WDFY1: variants seen among roughly 807,000 people sequenced by gnomAD.
WDFY1 encodes WD repeat and FYVE domain containing 1, also known as WD repeat and FYVE domain-containing protein 1.
WDFY1 carries 32 observed loss-of-function variants against 56.4 expected under a neutral mutation model. That is an observed-to-expected ratio of 0.57 (90% CI 0.43 to 0.76). WDFY1 has a LOEUF of 0.76. Among genes scored for constraint, WDFY1 ranks in the 30% least tolerant of loss-of-function variants. WDFY1 has a pLI of 0.00. For synonymous variants in WDFY1, 192 were observed against 197.3 expected (o/e 0.97, Z 0.23); for missense variants, 480 against 545.7 (o/e 0.88, Z 1.20).
chr2:223,922,742 A>G (rs1408109815), intron 1 of WDFY1, among the ~76,000 whole-genome samples: 1 of 152,210 alleles, frequency 6.6e-6, no homozygotes, highest in Non-Finnish European at 1.5e-5. Flanking sequence ...CACAATTCAG[A>G]AATCAGAGAA....
chr2:223,934,236 A>G lies in WDFY1; in HGVS notation c.137+10912T>C, dbSNP rs962809949. ...ACCGAGTAGCTGGGACTACAGGCGCACAACACCTCACCCAGCTAATTTTTG... is the reference window on the plus strand; with the variant it reads ...ACCGAGTAGCTGGGACTACAGGCGCGCAACACCTCACCCAGCTAATTTTTG... On this transcript the variant is annotated intron_variant, in intron 1 of 11. Coordinates refer to ENST00000233055, the MANE Select transcript of WDFY1 (RefSeq NM_020830.5). 3.3e-5 allele frequency among the ~76,000 whole-genome samples: 5 copies of G among 151,860 alleles called. No individual in the cohort carries two copies. In the East Asian group the frequency reaches 9.9e-4, roughly 30 times the overall value.
intron 5 of WDFY1, among the ~76,000 whole-genome samples, chr2:223,899,885 G>A (rs1693473929): frequency 6.6e-6 from 1 of 152,194 alleles, no homozygotes; most frequent in South Asian, 2.1e-4. Context: ...TACAAGACAT[G>A]AATCCATGTT....
intron 1 of WDFY1, among the ~76,000 whole-genome samples, chr2:223,933,474 G>C (rs987818074): frequency 6.6e-6 from 1 of 151,964 alleles, no homozygotes; most frequent in South Asian, 2.1e-4. Flanking sequence ...TGAAGAGCAG[G>C]AATAATCTAG....
chr2:223,910,087 GA>G (rs1437176361), intron 3 of WDFY1, among the ~76,000 whole-genome samples: 2 of 152,004 alleles, frequency 1.3e-5, no homozygotes, highest in African/African-American at 4.8e-5. Flanking sequence ...TTGACTTCTG[GA>G]AACTCTTCCC....
chr2:223,932,611 A>C (rs1694098088), intron 1 of WDFY1, among the ~76,000 whole-genome samples: 1 of 152,276 alleles, frequency 6.6e-6, no homozygotes, highest in South Asian at 2.1e-4. Flanking sequence ...CAATTTAACC[A>C]TCCTTAAATT....
chr2:223,905,067 T>C (rs1417670628), intron 4 of WDFY1, among the ~76,000 whole-genome samples: 1 of 152,140 alleles, frequency 6.6e-6, no homozygotes, highest in Non-Finnish European at 1.5e-5. Context: ...AGACAACAAA[T>C]GGTCAACATT....
intron 4 of WDFY1, among the ~76,000 whole-genome samples, chr2:223,902,892 CCAAA>C (rs1693528041): frequency 6.6e-6 from 1 of 151,922 alleles, no homozygotes; most frequent in Non-Finnish European, 1.5e-5. Context: ...TAAACTCGGG[CCAAA>C]CAGTCATAGG....
At chr2:223,884,067 T>A (rs2106071378) in intron 9 of WDFY1, among the ~76,000 whole-genome samples, 1 of 151,770 alleles carries the variant, frequency 6.6e-6, no homozygotes, top group East Asian at 1.9e-4. Flanking sequence ...TTTGTAGAAC[T>A]TTAGTATTAC....
intron 4 of WDFY1, among the ~76,000 whole-genome samples, chr2:223,902,345 T>G (rs952758792): frequency 6.6e-6 from 1 of 152,178 alleles, no homozygotes; most frequent in Non-Finnish European, 1.5e-5. Context: ...GGAGGATTGT[T>G]TGAGGCCAGG....
chr2:223,932,365 GC>G (rs1465609154), intron 1 of WDFY1, among the ~76,000 whole-genome samples: 2 of 148,674 alleles, frequency 1.3e-5, no homozygotes, highest in African/African-American at 5.0e-5. Context: ...ATTGTGATTC[GC>G]CCACCTCGGC....
intron 4 of WDFY1, among the ~76,000 whole-genome samples, chr2:223,901,718 G>A (rs576035227): frequency 6.6e-6 from 1 of 151,514 alleles, no homozygotes; most frequent in Non-Finnish European, 1.5e-5. Flanking sequence ...AGCAGCAGTT[G>A]TAACAGTGCA....
chr2:223,891,506 A>G (rs1313476471), intron 8 of WDFY1, among the ~76,000 whole-genome samples: 1 of 152,102 alleles, frequency 6.6e-6, no homozygotes, highest in Non-Finnish European at 1.5e-5. Flanking sequence ...CCCACTAAAA[A>G]TAATGCATCT....
At chr2:223,931,816 G>A (rs1237889738) in intron 1 of WDFY1, among the ~76,000 whole-genome samples, 2 of 151,784 alleles carry the variant, frequency 1.3e-5, no homozygotes, top group Non-Finnish European at 2.9e-5. Context: ...TTCCCAAGTA[G>A]CTGGGACTAC....
At chr2:223,878,990 C>A (rs1011688849) in intron 11 of WDFY1, among the ~76,000 whole-genome samples, 4 of 152,188 alleles carry the variant, frequency 2.6e-5, no homozygotes, top group African/African-American at 9.7e-5. Context: ...TCAAGACCAG[C>A]CTGGCCAACG....
intron 6 of WDFY1, 120 bp from the exon 7 acceptor site, chr2:223,895,750 C>A: frequency 2.2e-6 from 3 of 1,375,712 alleles, no homozygotes; most frequent in Middle Eastern, 1.9e-4. Context: ...AGTCTTTAAG[C>A]AAAAAGGTAT....
rs116587504 is a variant in WDFY1, at chr2:223,909,909, G to A, written c.279+2344C>T. Among the ~76,000 whole-genome samples the A allele has an allele frequency of 3.3e-3, 502 of 152,284 alleles. 3 individuals are homozygous for A. The highest frequency in any genetic ancestry group is 0.011 in the African/African-American group (462 of 41,560). ...CTTCGAAAAATGTAAATTACATCAT[G>A]CTATTCATCTGCTGAAAACACTTTA... On this transcript the variant is annotated intron_variant, in intron 3 of 11. Coordinates refer to ENST00000233055, the MANE Select transcript of WDFY1 (RefSeq NM_020830.5).
intron 4 of WDFY1, among the ~76,000 whole-genome samples, chr2:223,904,512 C>G (rs1693565439): frequency 6.6e-6 from 1 of 152,172 alleles, no homozygotes; most frequent in African/African-American, 2.4e-5. Context: ...CTCAGGCTCC[C>G]AAAGTGCTGG....
intron 1 of WDFY1, among the ~76,000 whole-genome samples, chr2:223,937,304 T>C (rs894313728): frequency 6.6e-6 from 1 of 152,206 alleles, no homozygotes; most frequent in African/African-American, 2.4e-5. Context: ...AGAAACATAT[T>C]ACTCTTTCGT....
chr2:223,929,423 G>C (rs907683528), intron 1 of WDFY1, among the ~76,000 whole-genome samples: 6 of 151,914 alleles, frequency 3.9e-5, no homozygotes, highest in African/African-American at 1.5e-4. Context: ...CCTGACCTCA[G>C]GTGATCTGCC....
Sources: allele counts gnomAD v4.1 joint callset (sites outside exome capture counted in the v4.1 genomes callset), GRCh38; gene constraint gnomAD v4.1.1; transcripts MANE v1.5; gene names NCBI Gene and HGNC (gene_info 2026-07-23, HGNC 2026-07-21).